Variants in FARP1 observed in about 807,000 individuals in gnomAD.
FARP1 encodes the protein FERM, ARHGEF and pleckstrin domain-containing protein 1.
A neutral mutation model predicts 128.8 loss-of-function variants in FARP1; 52 were observed. The ratio of observed to expected loss-of-function variants is 0.40; its 90% CI spans 0.32 to 0.51. The LOEUF (loss-of-function observed/expected upper bound fraction) is 0.51, where lower values mean the gene tolerates loss of function less well. Among genes scored for constraint, FARP1 ranks in the 20% least tolerant of loss-of-function variants. The pLI is 0.45. For synonymous variants in FARP1, 580 were observed against 551.8 expected (o/e 1.05, Z -0.72); for missense variants, 1,333 against 1,367.9 (o/e 0.97, Z 0.40).
At chr13:98,184,697 C>T (rs1878745409) in intron 1 of FARP1, among the ~76,000 whole-genome samples, 1 of 152,200 alleles carries the variant, frequency 6.6e-6, no homozygotes, top group Non-Finnish European at 1.5e-5. Context: ...GCCAACTCCA[C>T]AGCCTTTACA....
At position 98,176,916 on chromosome 13, in the gene FARP1, G is replaced by T; in HGVS notation, c.-24+33424G>T. The T allele has an allele frequency of 1.2e-6, 2 of 1,605,312 alleles. No homozygotes were observed. The highest frequency in any genetic ancestry group is 8.5e-7 in the Non-Finnish European group (1 of 1,179,926). ...GCTCGAAGTCAGCGGTGGCCCCCAT[G>T]TCCTCTGGCCCCACAGGCTTCGCCG... On this transcript the variant is annotated intron_variant, in intron 1 of 26. Coordinates refer to ENST00000319562, the MANE Select transcript of FARP1 (RefSeq NM_005766.4). The surrounding 1 kb of genome is among the most constrained non-coding windows in gnomAD (Gnocchi z 6.2).
rs546979393 is a variant in FARP1 at position 98,257,521 on chromosome 13, C to T, written c.171+44108C>T. ...GGTGCAGTGGCTCATGTCTGTAATC[C>T]CAGCACTTTGGGACGCCAAGGTGGG... On this transcript the variant is annotated intron_variant, in intron 2 of 26. Transcript: ENST00000319562. 3.9e-5 allele frequency among the ~76,000 whole-genome samples: 6 copies of T among 152,212 alleles called. No homozygotes were observed. The South Asian group carries it at 1.0e-3, about 26-fold the overall frequency.
chr13:98,267,746 C>T (rs1884195785), intron 2 of FARP1, among the ~76,000 whole-genome samples: 2 of 152,340 alleles, frequency 1.3e-5, no homozygotes, highest in East Asian at 1.9e-4. Context: ...GCCTTCCCAC[C>T]GAGGACTGCA....
chr13:98,175,074 G>C (rs1594230455), intron 1 of FARP1, among the ~76,000 whole-genome samples: 1 of 152,134 alleles, frequency 6.6e-6, no homozygotes, highest in East Asian at 1.9e-4. Context: ...TAGGTAGCTT[G>C]GTTTGACTGA....
At chr13:98,295,119 A>ATTAT (rs1223191618) in intron 2 of FARP1, among the ~76,000 whole-genome samples, 1 of 138,322 alleles carries the variant, frequency 7.2e-6, no homozygotes, top group Non-Finnish European at 1.5e-5. Context: ...ATCCCCAGGC[A>ATTAT]TTATTTATTT....
intron 2 of FARP1, among the ~76,000 whole-genome samples, chr13:98,337,710 T>C (rs1887803131): frequency 6.6e-6 from 1 of 152,186 alleles, no homozygotes; most frequent in Non-Finnish European, 1.5e-5. Flanking sequence ...CAAACTTGAC[T>C]TGTTTACAGG....
intron 2 of FARP1, among the ~76,000 whole-genome samples, chr13:98,336,592 A>G (rs1326493565): frequency 6.6e-6 from 1 of 152,142 alleles, no homozygotes; most frequent in Non-Finnish European, 1.5e-5. Context: ...TTAAAGTCAC[A>G]ATAAACTGGA....
intron 2 of FARP1, among the ~76,000 whole-genome samples, chr13:98,227,705 G>C (rs1881876593): frequency 1.3e-5 from 2 of 152,146 alleles, no homozygotes; most frequent in Admixed American, 1.3e-4. Context: ...CTAGCCAGGA[G>C]GTAGAAGGAT....
At chr13:98,389,854 C>G in intron 9 of FARP1, 103 bp from the exon 10 acceptor site, 1 of 1,153,436 alleles carries the variant, frequency 8.7e-7, no homozygotes, top group East Asian at 2.4e-5. Context: ...AAATACACAG[C>G]GAAAACTTTA....
chr13:98,217,283 A>AG (rs1366343718), intron 2 of FARP1, among the ~76,000 whole-genome samples: 2 of 151,938 alleles, frequency 1.3e-5, no homozygotes, highest in African/African-American at 4.8e-5. Context: ...TGGTAAAAAA[A>AG]AATGCTTGGG....
chr13:98,152,333 G>C (rs913307319), intron 1 of FARP1, among the ~76,000 whole-genome samples: 2 of 152,162 alleles, frequency 1.3e-5, no homozygotes, highest in African/African-American at 2.4e-5. Flanking sequence ...AGCAGCACAG[G>C]CTTCTCATTT....
intron 1 of FARP1, among the ~76,000 whole-genome samples, chr13:98,160,942 T>C (rs1290240131): frequency 2.0e-5 from 3 of 152,074 alleles, no homozygotes; most frequent in Admixed American, 1.3e-4. Context: ...CCTCCCAAAG[T>C]GCCGGGAGTA....
At chr13:98,244,348 T>G (rs1594314952) in intron 2 of FARP1, 6 of 664,572 alleles carry the variant, frequency 9.0e-6, no homozygotes. Flanking sequence ...TATAGGCTGG[T>G]GTTACCATCA....
In FARP1 at chr13:98,223,579, G is replaced by A. The variant is rs147400216; in HGVS notation, c.171+10166G>A. On this transcript the variant is annotated intron_variant, in intron 2 of 26. Coordinates refer to ENST00000319562, the MANE Select transcript of FARP1 (RefSeq NM_005766.4). Reference sequence around the variant, plus strand: ...GATCTCAGGTGATCCACCCGCCTCGGCCTCCCAAAGTCCTGGAATTACAGG... The same window carrying A: ...GATCTCAGGTGATCCACCCGCCTCGACCTCCCAAAGTCCTGGAATTACAGG... 5.8e-3 allele frequency among the ~76,000 whole-genome samples: 884 copies of A among 152,232 alleles called. 9 individuals are homozygous for A. Among genetic ancestry groups the A allele is most frequent in the African/African-American group, 0.02 (843 of 41,550 alleles).
intron 1 of FARP1, among the ~76,000 whole-genome samples, chr13:98,205,546 C>A (rs1462080199): frequency 1.3e-5 from 2 of 152,090 alleles, no homozygotes; most frequent in East Asian, 3.9e-4. Flanking sequence ...GTGCCCACCA[C>A]CATGCCCGGC....
intron 16 of FARP1, among the ~76,000 whole-genome samples, chr13:98,418,265 G>T (rs1319514651): frequency 3.4e-5 from 5 of 148,204 alleles, no homozygotes; most frequent in African/African-American, 5.2e-5. Flanking sequence ...TGTTTGTTTT[G>T]TTTTGTTTTG....
chr13:98,213,921 A>G (rs1331942506), intron 2 of FARP1, among the ~76,000 whole-genome samples: 1 of 152,072 alleles, frequency 6.6e-6, no homozygotes, highest in African/African-American at 2.4e-5. Flanking sequence ...GAATCAGGAG[A>G]GCCTGTGCAT....
intron 2 of FARP1, among the ~76,000 whole-genome samples, chr13:98,308,265 G>C (rs2139730151): frequency 6.6e-6 from 1 of 152,270 alleles, no homozygotes; most frequent in African/African-American, 2.4e-5. Context: ...TAATCAGGTA[G>C]TAGGTGTTCA....
rs372128821 is a variant in FARP1, at chr13:98,431,251, C to G, written c.2114C>G (p.Pro705Arg). 14 of 1,580,916 alleles carry G rather than the reference C, an allele frequency of 8.9e-6. No homozygotes were observed. The highest frequency in any genetic ancestry group is 1.2e-5 in the Non-Finnish European group (14 of 1,165,086). The change falls in exon 18 of 27, where the codon CCG becomes CGG. Residue 705 changes from proline (P) to arginine (R), a missense_variant. Physicochemically the swap from Pro to Arg is moderately radical, Grantham distance 103. Transcript: ENST00000319562. ...VLERLCKHHPPSHADFRDCRA... is the reference protein window; with the variant it reads ...VLERLCKHHPRSHADFRDCRA... The stretch of plus-strand genomic sequence containing the variant: ...GAGCGGCTGTGCAAACACCACCCGC[C>G]GAGCCACGCCGACTTCAGGGACTGC...
Sources: gnomAD v4.1 joint callset for allele counts (sites outside exome capture counted in the v4.1 genomes callset) on GRCh38, gnomAD v4.1.1 for gene constraint, Gnocchi (gnomAD v3.1) non-coding constraint, MANE v1.5 for transcripts, NCBI Gene and HGNC (gene_info 2026-07-23, HGNC 2026-07-21) for gene names.